GPM6B: variants seen among roughly 807,000 people sequenced by gnomAD.
GPM6B encodes the protein glycoprotein M6B, also known as neuronal membrane glycoprotein M6-b.
GPM6B carries 4 observed loss-of-function variants against 27.2 expected under a neutral mutation model. That is an observed-to-expected ratio of 0.15 (90% CI 0.07 to 0.34). The LOEUF (loss-of-function observed/expected upper bound fraction) is 0.34. Among genes scored for constraint, GPM6B ranks in the 10% least tolerant of loss-of-function variants. The probability of loss-of-function intolerance (pLI) is 1.00; values close to 1 mark genes in which losing one functional copy is unlikely to be tolerated. For missense variants in GPM6B, 183 were observed against 261.9 expected, an observed-to-expected ratio of 0.70 and a Z score of 2.08; for synonymous variants, 124 against 103.1, an observed-to-expected ratio of 1.20 and a Z score of -1.23.
upstream of GPM6B, chrX:13,817,097 T>TA: frequency 1.0e-6 from 1 of 991,311 alleles, no homozygotes; most frequent in Non-Finnish European, 1.3e-6. Context: ...TCGCTCTGCC[T>TA]ACTGGTCCAT....
At chrX:13,899,405 CAAAAAAAAAA>C (rs58085220) in intron 1 of GPM6B, among the ~76,000 whole-genome samples, 6 of 36,313 alleles carry the variant, frequency 1.7e-4, no homozygotes, top group African/African-American at 5.1e-4. Flanking sequence ...GACTCTGTCT[CAAAAAAAAAA>C]AAAAAAAAAA....
chrX:13,821,338 T>C (rs2049304820), upstream of GPM6B, among the ~76,000 whole-genome samples: 1 of 112,454 alleles, frequency 8.9e-6, no homozygotes, highest in Non-Finnish European at 1.9e-5. Flanking sequence ...TTTTCTTCTG[T>C]GATCTATTAC....
At chrX:13,783,253 G>A (rs1350464619) in intron 4 of GPM6B, 112 bp downstream of exon 4, 3 of 602,146 alleles carry the variant, frequency 5.0e-6, no homozygotes, top group South Asian at 3.4e-5. Context: ...TTTGTGTCAT[G>A]GACCCTCCAT....
upstream of GPM6B, chrX:13,938,602 G>T: frequency 2.3e-6 from 1 of 444,174 alleles, no homozygotes. Context: ...CAGGTCTCGC[G>T]GGCACGTGCG....
chrX:13,900,868 T>C lies in GPM6B; in HGVS notation c.-198+37459A>G, dbSNP rs751307557. On this transcript the variant is annotated intron_variant, in intron 1 of 6. Coordinates refer to the GPM6B transcript ENST00000398361. ...GACAAGGCTTCCAACTAATAACATT[T>C]CACATCATTCCTGAGTTTCCATAGA... 2.7e-5 allele frequency among the ~76,000 whole-genome samples: 3 copies of C among 111,946 alleles called. No individual in the cohort carries two copies. The Admixed American group carries it at 2.9e-4, about 11-fold the overall frequency.
At chrX:13,855,472 C>T (rs1300823117) in intron 1 of GPM6B, among the ~76,000 whole-genome samples, 1 of 112,188 alleles carries the variant, frequency 8.9e-6, no homozygotes, top group East Asian at 2.8e-4. Flanking sequence ...TTCATTTACT[C>T]TCACTGCTAT....
At chrX:13,862,027 G>A (rs942685506) in intron 1 of GPM6B, among the ~76,000 whole-genome samples, 4 of 111,127 alleles carry the variant, frequency 3.6e-5, no homozygotes, top group African/African-American at 6.6e-5. Context: ...AGAGGTGAGT[G>A]TGAATGAGTG....
At chrX:13,903,814 G>A (rs1010553808) in intron 1 of GPM6B, among the ~76,000 whole-genome samples, 1 of 112,043 alleles carries the variant, frequency 8.9e-6, no homozygotes, top group Non-Finnish European at 1.9e-5. Flanking sequence ...GGGTGGTGGA[G>A]CCAGAGGAAC....
upstream of GPM6B, among the ~76,000 whole-genome samples, chrX:13,818,759 C>T (rs1017923728): frequency 1.5e-4 from 17 of 112,266 alleles, no homozygotes; most frequent in African/African-American, 5.2e-4. Context: ...ATGGTGTGTC[C>T]GGATAGGACA....
chrX:13,819,356 T>C (rs2049282909), upstream of GPM6B, among the ~76,000 whole-genome samples: 2 of 112,263 alleles, frequency 1.8e-5, no homozygotes, highest in Non-Finnish European at 1.9e-5. Flanking sequence ...GTATTGCTTA[T>C]TACATTTCTG....
intron 1 of GPM6B, among the ~76,000 whole-genome samples, chrX:13,906,429 G>A (rs1157832318): frequency 1.8e-5 from 2 of 112,033 alleles, no homozygotes; most frequent in Non-Finnish European, 3.8e-5. Context: ...GAAGGGGGTG[G>A]GGAGGATAGC....
At chrX:13,811,167 GA>G (rs1417170845) in intron 1 of GPM6B, among the ~76,000 whole-genome samples, 1 of 112,486 alleles carries the variant, frequency 8.9e-6, no homozygotes, top group African/African-American at 3.2e-5. Context: ...AGATAGAGAT[GA>G]GGTGACCAGT....
chrX:13,880,867 A>G (rs1000451033), intron 1 of GPM6B, among the ~76,000 whole-genome samples: 1 of 109,604 alleles, frequency 9.1e-6, no homozygotes, highest in Non-Finnish European at 1.9e-5. Context: ...GCCAGCTTTC[A>G]GGTGTTCAAA....
intron 2 of GPM6B, among the ~76,000 whole-genome samples, chrX:13,789,376 G>A (rs771606911): frequency 1.8e-5 from 2 of 111,966 alleles, no homozygotes; most frequent in South Asian, 7.5e-4. Flanking sequence ...GTAAGAAAAA[G>A]CTAAATGTGT....
At chrX:13,844,900 G>C (rs1739137605) in intron 1 of GPM6B, among the ~76,000 whole-genome samples, 1 of 111,815 alleles carries the variant, frequency 8.9e-6, no homozygotes, top group African/African-American at 3.3e-5. Context: ...GACCAACAAA[G>C]CTGGGATTTA....
At chrX:13,908,911 C>A (rs1035159812) in intron 1 of GPM6B, among the ~76,000 whole-genome samples, 2 of 111,885 alleles carry the variant, frequency 1.8e-5, no homozygotes, top group African/African-American at 6.5e-5. Context: ...AGCTAGCACA[C>A]AAATATTTGT....
chrX:13,839,551 G>A (rs759494350), intron 1 of GPM6B, among the ~76,000 whole-genome samples: 1 of 111,079 alleles, frequency 9.0e-6, no homozygotes, highest in Admixed American at 9.6e-5. Context: ...CTGTGGGACC[G>A]AGTCTCCAGT....
intron 1 of GPM6B, among the ~76,000 whole-genome samples, chrX:13,860,713 A>T (rs1363141485): frequency 9.1e-6 from 1 of 109,758 alleles, no homozygotes; most frequent in African/African-American, 3.3e-5. Flanking sequence ...GTGATTTCTG[A>T]GATTTTGGTG....
chrX:13,932,946 G>T (rs1402380583), intron 1 of GPM6B, among the ~76,000 whole-genome samples: 1 of 111,945 alleles, frequency 8.9e-6, no homozygotes, highest in Non-Finnish European at 1.9e-5. Flanking sequence ...ATGCCTGGCA[G>T]CAATCAAATT....
Sources: allele counts gnomAD v4.1 joint callset (sites outside exome capture counted in the v4.1 genomes callset), GRCh38; gene constraint gnomAD v4.1.1; transcripts MANE v1.5; gene names NCBI Gene and HGNC (gene_info 2026-07-23, HGNC 2026-07-21).